Variants in GPR78 observed in about 807,000 individuals in gnomAD.
GPR78 encodes the protein G protein-coupled receptor 78.
Under a neutral mutation model 17.9 loss-of-function variants are expected in GPR78, and 29 were observed. That is an observed-to-expected ratio of 1.62 (90% CI 1.20 to 2.21). The LOEUF (loss-of-function observed/expected upper bound fraction) is 2.21. Among genes scored for constraint, GPR78 ranks in the 30% most tolerant of loss-of-function variants. The pLI is 0.00. For missense variants in GPR78, 649 were observed against 530.5 expected, an observed-to-expected ratio of 1.22 and a Z score of -2.19; for synonymous variants, 349 against 256.9, an observed-to-expected ratio of 1.36 and a Z score of -3.43.
chr4:8,581,608 T>A lies in GPR78; in HGVS notation c.626T>A (p.Val209Asp). The A allele has an allele frequency of 6.5e-7, 1 of 1,541,410 alleles. No homozygotes were observed. Among genetic ancestry groups the A allele is most frequent in the Non-Finnish European group, 8.7e-7 (1 of 1,150,522 alleles). The change falls in exon 1 of 3, where the codon GTC becomes GAC. Residue 209 changes from valine (V) to aspartate (D), a missense_variant. By Grantham distance (152) the Val-to-Asp change is radical. Coordinates refer to ENST00000382487, the MANE Select transcript of GPR78 (RefSeq NM_080819.5). Reference sequence around the variant, plus strand: ...AGACACTGCCAGCGCATGGACACCGTCACCATGAAGGCGCTCGCGCTGCTC... The same window carrying A: ...AGACACTGCCAGCGCATGGACACCGACACCATGAAGGCGCTCGCGCTGCTC... ...ARRHCQRMDTVTMKALALLAD... is the reference protein window; with the variant it reads ...ARRHCQRMDTDTMKALALLAD...
In GPR78 at chr4:8,580,944, C is replaced by T. The variant is rs1258720330; in HGVS notation, c.-39C>T. On this transcript the variant is annotated 5_prime_UTR_variant, in exon 1 of 3. Transcript: ENST00000382487. ...TCCCAGGCTCGCGCCCGAAGCAGAG[C>T]CATGAGAACCCCAGGGTGCCTGGCG... The T allele has an allele frequency of 8.1e-6, 12 of 1,484,028 alleles. No individual in the cohort carries two copies. Among genetic ancestry groups the T allele is most frequent in the Middle Eastern group, 2.5e-4 (1 of 4,080 alleles). 91.9% of individuals were successfully genotyped at this position (1,484,028 alleles called of 1,614,324 possible). A position where few individuals can be genotyped will look rare whatever the true frequency, so the allele number is the denominator to read the frequency against.
At position 8,589,062 on chromosome 4, in the gene GPR78, G is replaced by A. The variant is rs960180492; in HGVS notation, c.*1699G>A. ...TTGTATTTTTTTTTGTAGAGATGGC[G>A]GTCTCACTTTGTTGCCCAGGCTGGT... On this transcript the variant is annotated 3_prime_UTR_variant, in exon 3 of 3. Coordinates refer to ENST00000382487, the MANE Select transcript of GPR78 (RefSeq NM_080819.5). Among the ~76,000 whole-genome samples, 4 of 151,450 alleles carry A rather than the reference G, an allele frequency of 2.6e-5. No homozygotes were observed. The highest frequency in any genetic ancestry group is 4.4e-5 in the Non-Finnish European group (3 of 67,902).
In GPR78 at chr4:8,588,349, C is replaced by T. The variant is rs367776085; in HGVS notation, c.*986C>T. Among the ~76,000 whole-genome samples, 3 of 152,196 alleles carry T rather than the reference C, an allele frequency of 2.0e-5. No homozygotes were observed. The highest frequency in any genetic ancestry group is 1.9e-4 in the East Asian group (1 of 5,190). On this transcript the variant is annotated 3_prime_UTR_variant, in exon 3 of 3. Transcript: ENST00000382487. ...TGCATCACCCCCAGTTTAGTAATCA[C>T]GGGGTGCCATTCCCCGGTGGGAGCA...
Position 8,587,538 on chromosome 4 carries a change from G to A in GPR78, c.*175G>A. The A allele has an allele frequency of 1.5e-6, 1 of 688,056 alleles. No individual in the cohort carries two copies. Among genetic ancestry groups the A allele is most frequent in the South Asian group, 1.9e-5 (1 of 51,980 alleles). The allele number at this position is 688,056 out of a possible 1,614,324, so 42.6% of individuals were successfully genotyped here. On this transcript the variant is annotated 3_prime_UTR_variant, in exon 3 of 3. Coordinates refer to ENST00000382487, the MANE Select transcript of GPR78 (RefSeq NM_080819.5). ...CCGGATGTGGGTGTGGACAGCAGTA[G>A]TGGCGGAGGAGAGCTCGGGGCTGGG...
At chr4:8,584,549 C>T (rs1713420704) in intron 2 of GPR78, among the ~76,000 whole-genome samples, 1 of 152,210 alleles carries the variant, frequency 6.6e-6, no homozygotes. Context: ...GTTACAAAAG[C>T]AAATGGAACA....
rs985802204 is a variant in GPR78 at position 8,588,780 on chromosome 4, C to T, written c.*1417C>T. On this transcript the variant is annotated 3_prime_UTR_variant, in exon 3 of 3. Coordinates refer to ENST00000382487, the MANE Select transcript of GPR78 (RefSeq NM_080819.5). The stretch of plus-strand genomic sequence containing the variant: ...TGAATTCTTCAAAGACACACGCGGT[C>T]GTCACTTGCTCTTGGCATTAACGGT... Among the ~76,000 whole-genome samples the T allele has an allele frequency of 4.6e-5, 7 of 152,192 alleles. No homozygotes were observed. Among genetic ancestry groups the T allele is most frequent in the African/African-American group, 1.4e-4 (6 of 41,456 alleles).
rs557380657 is a variant in GPR78 at position 8,587,720 on chromosome 4, C to T, written c.*357C>T. Reference sequence around the variant, plus strand: ...CTCGTGGGCGTGCTATAAGTGACTGCTGTTCATGTGGGTGAGGTGGTCACT... The same window carrying T: ...CTCGTGGGCGTGCTATAAGTGACTGTTGTTCATGTGGGTGAGGTGGTCACT... On this transcript the variant is annotated 3_prime_UTR_variant, in exon 3 of 3. Coordinates refer to ENST00000382487, the MANE Select transcript of GPR78 (RefSeq NM_080819.5). 5 of 333,670 alleles carry T rather than the reference C, an allele frequency of 1.5e-5. No homozygotes were observed. Among genetic ancestry groups the T allele is most frequent in the East Asian group, 6.4e-5 (1 of 15,708 alleles). 20.7% of individuals were successfully genotyped at this position (333,670 alleles called of 1,614,324 possible).
chr4:8,581,135 C>A lies in GPR78; in HGVS notation c.153C>A (p.Gly51=). The A allele has an allele frequency of 6.2e-7, 1 of 1,604,930 alleles. No homozygotes were observed. The highest frequency in any genetic ancestry group is 8.5e-7 in the Non-Finnish European group (1 of 1,179,758). The stretch of plus-strand genomic sequence containing the variant: ...TCCTCCTGGTGAATCTGTCTCTGGG[C>A]CACCTGCTGCTGGCGGCGCTGGACA... ...SGVLLVNLSL[G]HLLLAALDMP... is the part of the protein sequence containing the mutation. Residue 51 remains glycine, a synonymous_variant, in exon 1 of 3, where the codon GGC becomes GGA. Transcript: ENST00000382487.
rs750856559 is a variant in GPR78 at position 8,581,515 on chromosome 4, C to A, written c.533C>A (p.Ala178Asp). The A allele has an allele frequency of 1.3e-6, 2 of 1,591,100 alleles. No homozygotes were observed. Among genetic ancestry groups the A allele is most frequent in the Non-Finnish European group, 1.7e-6 (2 of 1,176,594 alleles). ...GCAGCCTTCACCGCCACGCTCCATG[C>A]CGTGGGCTTCGTGCTGCCGCTGGCG... ...RFAAFTATLH[A>D]VGFVLPLAVL... Residue 178 changes from alanine (A) to aspartate (D), a missense_variant, in exon 1 of 3, where the codon GCC (alanine) becomes GAC (aspartate). Ala to Asp is a moderately radical substitution (Grantham distance 126). Transcript: ENST00000382487.
rs562463567 is a variant in GPR78 at position 8,586,159 on chromosome 4, GA to G, written c.783-893del. Among the ~76,000 whole-genome samples, 273 of 152,284 alleles carry G rather than the reference GA, an allele frequency of 1.8e-3. 2 individuals carry two copies. Among genetic ancestry groups the G allele is most frequent in the African/African-American group, 6.2e-3 (258 of 41,566 alleles). ...CCTAAGGCTGTGCTGCCGCTGGTCA[GA>G]AGCCTTGTCCTGACTCCATGGCCCC... is the stretch of plus-strand genomic sequence containing the variant. On this transcript the variant is annotated intron_variant, in intron 2 of 2. Coordinates refer to ENST00000382487, the MANE Select transcript of GPR78 (RefSeq NM_080819.5).
Position 8,589,920 on chromosome 4 carries a change from T to G in GPR78, c.*2557T>G. On this transcript the variant is annotated 3_prime_UTR_variant, in exon 3 of 3. Transcript: ENST00000382487. ...CCTTAGGCTTGTGGCCTTTTTTTTTTTTTTTTTTTTAATTTGAAAAATATT... is the reference window on the plus strand; with the variant it reads ...CCTTAGGCTTGTGGCCTTTTTTTTTGTTTTTTTTTTAATTTGAAAAATATT... Among the ~76,000 whole-genome samples, 1 of 151,990 alleles carries G rather than the reference T, an allele frequency of 6.6e-6. No individual in the cohort carries two copies. Among genetic ancestry groups the G allele is most frequent in the Non-Finnish European group, 1.5e-5 (1 of 67,976 alleles).
rs1351590361 is a variant in GPR78, at chr4:8,587,440, A to G, written c.*77A>G. ...GCACTGGCCCTGCCACAGAGATGCC[A>G]CTGGGGACCCCCAGACACCAGTGGC... On this transcript the variant is annotated 3_prime_UTR_variant, in exon 3 of 3. Coordinates refer to ENST00000382487, the MANE Select transcript of GPR78 (RefSeq NM_080819.5). 1.4e-6 allele frequency: 2 copies of G among 1,435,894 alleles called. No individual in the cohort carries two copies. The highest frequency in any genetic ancestry group is 9.5e-7 in the Non-Finnish European group (1 of 1,049,226). The allele number at this position is 1,435,894 out of a possible 1,614,324, so 88.9% of individuals were successfully genotyped here. A position where few individuals can be genotyped will look rare whatever the true frequency, so the allele number is the denominator to read the frequency against.
In GPR78 at chr4:8,581,518, T is replaced by C. The variant is rs1225699299; in HGVS notation, c.536T>C (p.Val179Ala). 2.5e-6 allele frequency: 4 copies of C among 1,590,808 alleles called. No individual in the cohort carries two copies. The highest frequency in any genetic ancestry group is 3.4e-5 in the Admixed American group (2 of 59,438). ...FAAFTATLHA[V>A]GFVLPLAVLC... ...GCCTTCACCGCCACGCTCCATGCCG[T>C]GGGCTTCGTGCTGCCGCTGGCGGTG... Residue 179 changes from valine (V) to alanine (A), a missense_variant, in exon 1 of 3, where the codon GTG becomes GCG. Physicochemically the swap from Val to Ala is moderately conservative, Grantham distance 64 (BLOSUM62 0). Coordinates refer to ENST00000382487, the MANE Select transcript of GPR78 (RefSeq NM_080819.5).
chr4:8,583,357 G>A (rs890074972), intron 2 of GPR78, among the ~76,000 whole-genome samples: 3 of 144,604 alleles, frequency 2.1e-5, no homozygotes, highest in Non-Finnish European at 3.0e-5. Context: ...GTGACTGCTT[G>A]CTATTACGTT....
At position 8,580,755 on chromosome 4, in the gene GPR78, G is replaced by A; in HGVS notation, c.-228G>A. On this transcript the variant is annotated 5_prime_UTR_variant, in exon 1 of 3. Transcript: ENST00000382487. ...GCACCGCGGTTGCGCTGCCTCCAGG[G>A]CGGCCCCGGGCTGCTCCTGCTCCGC... 1 of 561,206 alleles carries A rather than the reference G, an allele frequency of 1.8e-6. No homozygotes were observed. Among genetic ancestry groups the A allele is most frequent in the East Asian group, 3.1e-5 (1 of 32,244 alleles). 34.8% of individuals were successfully genotyped at this position (561,206 alleles called of 1,614,324 possible).
chr4:8,587,242 A>G lies in GPR78; in HGVS notation c.971A>G (p.Asp324Gly), dbSNP rs1014333637. 3 of 1,606,456 alleles carry G rather than the reference A, an allele frequency of 1.9e-6. No individual in the cohort carries two copies. The highest frequency in any genetic ancestry group is 2.6e-6 in the Non-Finnish European group (3 of 1,174,714). ...ACCCCGCGCCCAGCATCCACCCATGACAGCTCTCTGGATGTGGCCGGCATG... is the reference window on the plus strand; with the variant it reads ...ACCCCGCGCCCAGCATCCACCCATGGCAGCTCTCTGGATGTGGCCGGCATG... ...KRTPRPASTH[D>G]SSLDVAGMVH... The change falls in exon 3 of 3, where the codon GAC (aspartate) becomes GGC (glycine). Residue 324 changes from aspartate to glycine, a missense_variant. By Grantham distance (94) the Asp-to-Gly change is moderately conservative. Coordinates refer to ENST00000382487, the MANE Select transcript of GPR78 (RefSeq NM_080819.5).
At chr4:8,585,934 G>A (rs1451366329) in intron 2 of GPR78, among the ~76,000 whole-genome samples, 1 of 152,220 alleles carries the variant, frequency 6.6e-6, no homozygotes, top group African/African-American at 2.4e-5. Context: ...AAATCACAGG[G>A]CTGCAGTCCT....
Position 8,581,495 on chromosome 4 carries a change from C to A in GPR78, c.513C>A (p.Ala171=), listed in dbSNP as rs1158901282. The stretch of plus-strand genomic sequence containing the variant: ...AGCCTGAGCGTCCGCGCTTCGCAGC[C>A]TTCACCGCCACGCTCCATGCCGTGG... ...PPEPERPRFA[A]FTATLHAVGF... The change falls in exon 1 of 3, where the codon GCC becomes GCA. Residue 171 remains alanine, a synonymous_variant. Transcript: ENST00000382487. 1 of 1,592,216 alleles carries A rather than the reference C, an allele frequency of 6.3e-7. No homozygotes were observed. Among genetic ancestry groups the A allele is most frequent in the African/African-American group, 1.3e-5 (1 of 74,710 alleles).
chr4:8,586,895 G>C (rs1010974997), intron 2 of GPR78, among the ~76,000 whole-genome samples, 159 bp from the exon 3 acceptor site: 1 of 152,208 alleles, frequency 6.6e-6, no homozygotes, highest in African/African-American at 2.4e-5. Flanking sequence ...TTTAGGAAGA[G>C]GAGCCCAAGG....
Sources: allele counts gnomAD v4.1 joint callset (sites outside exome capture counted in the v4.1 genomes callset), GRCh38; gene constraint gnomAD v4.1.1; transcripts MANE v1.5; gene names NCBI Gene and HGNC (gene_info 2026-07-23, HGNC 2026-07-21).